The following MACROD2 variants were observed in gnomAD, a reference collection of about 807,000 sequenced individuals.
MACROD2 encodes the protein mono-ADP ribosylhydrolase 2.
Under a neutral mutation model 70.4 loss-of-function variants are expected in MACROD2, and 36 were observed. That is an observed-to-expected ratio of 0.51 (90% CI 0.39 to 0.68). MACROD2 has a LOEUF of 0.68. MACROD2 is among the 30% of genes least tolerant of loss of function. MACROD2 has a pLI of 0.00. For missense variants in MACROD2, 496 were observed against 538.4 expected (o/e 0.92, Z 0.78); for synonymous variants, 172 against 178.8 (o/e 0.96, Z 0.30).
intron 5 of MACROD2, among the ~76,000 whole-genome samples, chr20:15,143,347 T>A (rs1187623852): frequency 6.6e-6 from 1 of 152,216 alleles, no homozygotes; most frequent in Non-Finnish European, 1.5e-5. Context: ...TGCCCAAGTT[T>A]TGATGGGGTT....
intron 4 of MACROD2, among the ~76,000 whole-genome samples, chr20:14,513,009 G>GA (rs1397799483): frequency 6.6e-6 from 1 of 152,104 alleles, no homozygotes; most frequent in African/African-American, 2.4e-5. Context: ...TATACATCGA[G>GA]AAGCCATTCA....
chr20:14,490,232 A>T (rs1007771180), intron 3 of MACROD2, among the ~76,000 whole-genome samples: 7 of 152,202 alleles, frequency 4.6e-5, no homozygotes, highest in Admixed American at 1.3e-4. Flanking sequence ...GAAAGAAAAA[A>T]TTCTTATAAA....
intron 5 of MACROD2, among the ~76,000 whole-genome samples, chr20:15,204,818 C>G (rs572590567): frequency 9.9e-4 from 150 of 152,112 alleles, no homozygotes; most frequent in African/African-American, 3.6e-3. Flanking sequence ...AGTGACTATC[C>G]TAAGGCTAAA....
intron 3 of MACROD2, among the ~76,000 whole-genome samples, chr20:14,181,112 G>T (rs1310079103): frequency 6.6e-6 from 1 of 150,676 alleles, no homozygotes; most frequent in African/African-American, 2.4e-5. Flanking sequence ...CTGTTGCCCA[G>T]GCTGGAGTGC....
At chr20:15,590,740 G>A (rs73101809) in intron 8 of MACROD2, among the ~76,000 whole-genome samples, 16,173 of 151,928 alleles carry the variant, frequency 0.11, 934 homozygotes, top group Non-Finnish European at 0.13. Context: ...TTAGCCAGGC[G>A]TAGTGTTGCA....
chr20:15,567,877 G>C (rs932526143), intron 8 of MACROD2, among the ~76,000 whole-genome samples: 23 of 152,222 alleles, frequency 1.5e-4, no homozygotes, highest in African/African-American at 5.1e-4. Flanking sequence ...TTGCCTTTAA[G>C]AAGAAGCTGG....
rs114065107 is a variant in MACROD2, at chr20:15,708,675, C to T, written c.646-154070C>T. Among the ~76,000 whole-genome samples the T allele has an allele frequency of 3.6e-3, 507 of 141,074 alleles. 4 individuals carry two copies. Among genetic ancestry groups the T allele is most frequent in the African/African-American group, 0.012 (488 of 40,466 alleles). The allele number at this position is 141,074 out of a possible 152,430, so 92.6% of individuals were successfully genotyped here. A position where few individuals can be genotyped will look rare whatever the true frequency, so the allele number is the denominator to read the frequency against. ...ATTGCTTAAGGCCAGGAGTTCAAGA[C>T]CAGTCTGGGCACAATATCAAAACCC... On this transcript the variant is annotated intron_variant, in intron 8 of 17. Coordinates refer to ENST00000684519, the MANE Select transcript of MACROD2 (RefSeq NM_001351661.2).
chr20:15,946,157 C>T (rs1325300176), intron 12 of MACROD2, among the ~76,000 whole-genome samples: 3 of 152,158 alleles, frequency 2.0e-5, no homozygotes, highest in African/African-American at 7.2e-5. Flanking sequence ...TCCTTAGACC[C>T]TGCACGTGCC....
intron 8 of MACROD2, among the ~76,000 whole-genome samples, chr20:15,840,876 C>G (rs529992488): frequency 6.6e-6 from 1 of 152,212 alleles, no homozygotes; most frequent in Admixed American, 6.5e-5. Flanking sequence ...TAAGAATCCC[C>G]GCGCACTAAG....
chr20:15,560,032 G>A (rs1342282942), intron 8 of MACROD2, among the ~76,000 whole-genome samples: 2 of 152,170 alleles, frequency 1.3e-5, no homozygotes, highest in Non-Finnish European at 2.9e-5. Flanking sequence ...CAAAATTAAA[G>A]ACACCACAGC....
At chr20:15,304,512 G>A (rs1252847776) in intron 6 of MACROD2, among the ~76,000 whole-genome samples, 1 of 152,154 alleles carries the variant, frequency 6.6e-6, no homozygotes, top group Non-Finnish European at 1.5e-5. Flanking sequence ...CAAACAGCCT[G>A]ATCAACCTTT....
chr20:15,505,866 G>A (rs185489483), intron 8 of MACROD2, among the ~76,000 whole-genome samples: 53 of 152,254 alleles, frequency 3.5e-4, no homozygotes, highest in Non-Finnish European at 6.2e-4. Flanking sequence ...GTCTTTGCCC[G>A]ACATAATTTT....
intron 15 of MACROD2, among the ~76,000 whole-genome samples, chr20:16,035,632 T>C (rs1463190736): frequency 1.3e-5 from 2 of 152,044 alleles, no homozygotes; most frequent in African/African-American, 4.8e-5. Flanking sequence ...TAGAAGTGTA[T>C]TATTATGTGT....
At chr20:14,960,900 A>AAT (rs1600876648) in intron 5 of MACROD2, among the ~76,000 whole-genome samples, 1 of 152,286 alleles carries the variant, frequency 6.6e-6, no homozygotes, top group Non-Finnish European at 1.5e-5. Context: ...CAGCGATTAA[A>AAT]ATATATATCT....
intron 13 of MACROD2, among the ~76,000 whole-genome samples, chr20:15,983,151 T>C (rs370482282): frequency 1.2e-4 from 18 of 152,364 alleles, no homozygotes; most frequent in African/African-American, 4.3e-4. Flanking sequence ...TTATTGACTG[T>C]CATCTACTAA....
intron 15 of MACROD2, among the ~76,000 whole-genome samples, chr20:16,030,847 G>C (rs1381494305): frequency 6.6e-6 from 1 of 152,104 alleles, no homozygotes; most frequent in East Asian, 1.9e-4. Flanking sequence ...TCAATGTATA[G>C]AACAGAAAAT....
chr20:15,796,364 A>G (rs2063673920), intron 8 of MACROD2, among the ~76,000 whole-genome samples: 1 of 152,238 alleles, frequency 6.6e-6, no homozygotes, highest in South Asian at 2.1e-4. Flanking sequence ...AAGAATTTTG[A>G]ACTTTCCTAC....
intron 12 of MACROD2, among the ~76,000 whole-genome samples, chr20:15,948,300 G>C (rs903804978): frequency 6.9e-6 from 1 of 143,936 alleles, no homozygotes; most frequent in Non-Finnish European, 1.5e-5. Flanking sequence ...GACAATGATC[G>C]GCATATAAAC....
At chr20:15,564,732 AAT>A (rs1568895650) in intron 8 of MACROD2, among the ~76,000 whole-genome samples, 2 of 152,200 alleles carry the variant, frequency 1.3e-5, no homozygotes, top group Non-Finnish European at 1.5e-5. Context: ...GAAGGCTGGT[AAT>A]ATGTTTACCA....
Sources: gnomAD v4.1 joint callset for allele counts (sites outside exome capture counted in the v4.1 genomes callset) on GRCh38, gnomAD v4.1.1 for gene constraint, MANE v1.5 for transcripts, NCBI Gene and HGNC (gene_info 2026-07-23, HGNC 2026-07-21) for gene names.